Variants in CDR2L observed in about 807,000 individuals in gnomAD.
The protein encoded by CDR2L is cerebellar degeneration related protein 2 like.
A neutral mutation model predicts 36.1 loss-of-function variants in CDR2L; 19 were observed. The observed-to-expected ratio is 0.53, with a 90% CI of 0.37 to 0.77. CDR2L has a LOEUF of 0.77. Ranked by LOEUF, CDR2L falls within the 30% of genes least tolerant of loss-of-function variation. The pLI, the probability that CDR2L is intolerant of heterozygous loss-of-function variation, is 0.00. For missense variants in CDR2L, 575 were observed against 627.2 expected, an observed-to-expected ratio of 0.92 and a Z score of 0.89; for synonymous variants, 285 against 280.4, an observed-to-expected ratio of 1.02 and a Z score of -0.16.
At chr17:74,995,200 T>A (rs1299624698) in intron 1 of CDR2L, among the ~76,000 whole-genome samples, 1 of 151,500 alleles carries the variant, frequency 6.6e-6, no homozygotes, top group African/African-American at 2.4e-5. Context: ...CTGTGCCCAG[T>A]CTACACTTTC....
chr17:74,997,767 C>T (rs1015098824), intron 1 of CDR2L, among the ~76,000 whole-genome samples: 1 of 151,962 alleles, frequency 6.6e-6, no homozygotes, highest in African/African-American at 2.4e-5. Flanking sequence ...TGGCTTATGC[C>T]TGTAATCCCA....
chr17:75,003,786 G>C lies in CDR2L; in HGVS notation c.1110G>C (p.Leu370=). 3 of 1,526,744 alleles carry C rather than the reference G, an allele frequency of 2.0e-6. No individual in the cohort carries two copies. Among genetic ancestry groups the C allele is most frequent in the Non-Finnish European group, 2.6e-6 (3 of 1,135,064 alleles). 94.6% of individuals were successfully genotyped at this position (1,526,744 alleles called of 1,614,324 possible). A position where few individuals can be genotyped will look rare whatever the true frequency, so the allele number is the denominator to read the frequency against. The change falls in exon 5 of 5, where the codon CTG becomes CTC. Residue 370 remains leucine (L), a synonymous_variant. Coordinates refer to ENST00000337231, the MANE Select transcript of CDR2L (RefSeq NM_014603.3). ...YHALLEKYEE[L]LSKCRQHGAG... is the part of the protein sequence containing the mutation. Reference sequence around the variant, plus strand: ...CGCTGCTGGAGAAGTACGAGGAGCTGCTGAGCAAGTGCCGGCAGCACGGGG... The same window carrying C: ...CGCTGCTGGAGAAGTACGAGGAGCTCCTGAGCAAGTGCCGGCAGCACGGGG...
chr17:75,002,099 T>G lies in CDR2L; in HGVS notation c.377T>G (p.Val126Gly). 6.3e-7 allele frequency: 1 copy of G among 1,599,906 alleles called. No individual in the cohort carries two copies. Among genetic ancestry groups the G allele is most frequent in the Non-Finnish European group, 8.5e-7 (1 of 1,174,484 alleles). ...TETIERLQAQ[V>G]EELQAQVEQL... ...ACCATTGAGCGCCTCCAGGCTCAGG[T>G]GGAGGAGCTGCAGGCCCAGGTGGAG... is the stretch of plus-strand genomic sequence containing the variant. Residue 126 changes from valine to glycine, a missense_variant, in exon 4 of 5, where the codon GTG becomes GGG. By Grantham distance (109) the Val-to-Gly change is moderately radical (BLOSUM62 -3). Transcript: ENST00000337231. The surrounding 1 kb of genome is among the most constrained non-coding windows in gnomAD (Gnocchi z 4.1).
chr17:74,996,958 T>G lies in CDR2L; in HGVS notation c.80-2546T>G, dbSNP rs2039829757. ...ATCAAGAAGTTGGGCCAAGAAGTTC[T>G]GAATCATCTTCCAGTTTTAATATTC... is the stretch of plus-strand genomic sequence containing the variant. On this transcript the variant is annotated intron_variant, in intron 1 of 4. Transcript: ENST00000337231. Among the ~76,000 whole-genome samples, 4 of 152,312 alleles carry G rather than the reference T, an allele frequency of 2.6e-5. No homozygotes were observed. The South Asian group carries it at 8.3e-4, about 32-fold the overall frequency.
Position 75,005,084 on chromosome 17 carries a change from C to T in CDR2L, c.*1010C>T, listed in dbSNP as rs912004344. ...ACCAGCCGGTGGTCCCAATGTCCAC[C>T]CCTGCCTCCCCTTCACTGGGGACTG... On this transcript the variant is annotated 3_prime_UTR_variant, in exon 5 of 5. Coordinates refer to ENST00000337231, the MANE Select transcript of CDR2L (RefSeq NM_014603.3). The surrounding 1 kb of genome is among the most constrained non-coding windows in gnomAD (Gnocchi z 4.2). The T allele has an allele frequency of 1.3e-5, 2 of 152,678 alleles. No homozygotes were observed. The highest frequency in any genetic ancestry group is 4.8e-5 in the African/African-American group (2 of 41,398). 9.5% of individuals were successfully genotyped at this position (152,678 alleles called of 1,614,324 possible).
At chr17:74,995,210 CT>C (rs75415821) in intron 1 of CDR2L, among the ~76,000 whole-genome samples, 3,044 of 143,892 alleles carry the variant, frequency 0.021, 85 homozygotes, top group African/African-American at 0.066. Flanking sequence ...TCTACACTTT[CT>C]TTTTTTTTTT....
chr17:75,000,046 G>A (rs1408488490), intron 2 of CDR2L, among the ~76,000 whole-genome samples: 2 of 152,116 alleles, frequency 1.3e-5, no homozygotes, highest in East Asian at 1.9e-4. Flanking sequence ...TGTAATCCCA[G>A]CACTTTGGGA....
intron 1 of CDR2L, among the ~76,000 whole-genome samples, chr17:74,992,209 C>A (rs2039801310): frequency 6.6e-6 from 1 of 152,154 alleles, no homozygotes; most frequent in Admixed American, 6.5e-5. Context: ...TTCTAAGTTT[C>A]TTTTCAAAGA....
At chr17:74,991,207 A>G (rs1198797086) in intron 1 of CDR2L, among the ~76,000 whole-genome samples, 2 of 149,470 alleles carry the variant, frequency 1.3e-5, no homozygotes, top group Admixed American at 1.3e-4. Context: ...GTTCGAGACT[A>G]GCCTGACCAA....
rs137968303 is a variant in CDR2L, at chr17:74,995,201, C to G, written c.80-4303C>G. Among the ~76,000 whole-genome samples the G allele has an allele frequency of 5.4e-3, 818 of 151,424 alleles. 3 individuals are homozygous for G. The highest frequency in any genetic ancestry group is 0.017 in the Middle Eastern group (5 of 292). On this transcript the variant is annotated intron_variant, in intron 1 of 4. Transcript: ENST00000337231. ...ACAAGCATGAGCCACTGTGCCCAGT[C>G]TACACTTTCTTTTTTTTTTTTTTCT...
At chr17:74,990,852 A>G (rs1006087040) in intron 1 of CDR2L, among the ~76,000 whole-genome samples, 15 of 152,210 alleles carry the variant, frequency 9.9e-5, no homozygotes, top group African/African-American at 3.4e-4. Context: ...CCAACCCACA[A>G]ATTCTCTTCC....
Position 75,004,208 on chromosome 17 carries a change from C to G in CDR2L, c.*134C>G. 1.3e-6 allele frequency: 1 copy of G among 751,858 alleles called. No individual in the cohort carries two copies. Among genetic ancestry groups the G allele is most frequent in the East Asian group, 2.7e-5 (1 of 36,760 alleles). 46.6% of individuals were successfully genotyped at this position (751,858 alleles called of 1,614,324 possible). On this transcript the variant is annotated 3_prime_UTR_variant, in exon 5 of 5. Coordinates refer to ENST00000337231, the MANE Select transcript of CDR2L (RefSeq NM_014603.3). Reference sequence around the variant, plus strand: ...CACGCGGCCTCCTGATCCGGAAGCACGCAGCATGTTCCCTGCTGAGCGGAG... The same window carrying G: ...CACGCGGCCTCCTGATCCGGAAGCAGGCAGCATGTTCCCTGCTGAGCGGAG...
At chr17:74,990,529 C>T (rs1233635222) in intron 1 of CDR2L, among the ~76,000 whole-genome samples, 1 of 152,190 alleles carries the variant, frequency 6.6e-6, no homozygotes. Flanking sequence ...CAGCTGTAGG[C>T]CCAGCAACGG....
chr17:74,992,358 T>C (rs187267049), intron 1 of CDR2L, among the ~76,000 whole-genome samples: 84 of 141,510 alleles, frequency 5.9e-4, no homozygotes, highest in Middle Eastern at 3.6e-3. Flanking sequence ...CTTAATGTTG[T>C]TTTTTTTTTT....
rs2039871995 is a variant in CDR2L at position 75,002,256 on chromosome 17, T to C, written c.506+28T>C. 1 of 1,586,362 alleles carries C rather than the reference T, an allele frequency of 6.3e-7. No individual in the cohort carries two copies. Among genetic ancestry groups the C allele is most frequent in the Non-Finnish European group, 8.6e-7 (1 of 1,167,190 alleles). On this transcript the variant is annotated intron_variant, in intron 4 of 4. Coordinates refer to ENST00000337231, the MANE Select transcript of CDR2L (RefSeq NM_014603.3). The surrounding 1 kb of genome is among the most constrained non-coding windows in gnomAD (Gnocchi z 4.1). ...AGGTGAGAGCACTGCTTGGTGTCTCTGGGATTGCCAGCCATGGGAGGAAGG... is the reference window on the plus strand; with the variant it reads ...AGGTGAGAGCACTGCTTGGTGTCTCCGGGATTGCCAGCCATGGGAGGAAGG...
chr17:75,003,215 C>T lies in CDR2L; in HGVS notation c.539C>T (p.Ser180Phe), dbSNP rs868156671. ...CKDAFRLHSS[S>F]LELGPRPLEQ... is the part of the protein sequence containing the mutation. Reference sequence around the variant, plus strand: ...GATGCTTTCCGCCTACACAGTTCCTCCCTGGAGCTGGGCCCGCGGCCCCTG... The same window carrying T: ...GATGCTTTCCGCCTACACAGTTCCTTCCTGGAGCTGGGCCCGCGGCCCCTG... The change falls in exon 5 of 5, where the codon TCC becomes TTC. Residue 180 changes from serine to phenylalanine, a missense_variant. Transcript: ENST00000337231. The T allele has an allele frequency of 1.9e-6, 3 of 1,566,696 alleles. No individual in the cohort carries two copies. Among genetic ancestry groups the T allele is most frequent in the African/African-American group, 2.7e-5 (2 of 73,632 alleles).
intron 1 of CDR2L, among the ~76,000 whole-genome samples, chr17:74,997,060 C>CTTTTTTTTTTTTTTTT (rs1567974277): frequency 9.7e-5 from 1 of 10,350 alleles, no homozygotes; most frequent in African/African-American, 1.3e-4. Context: ...TTCTTTCTTT[C>CTTTTTTTTTTTTTTTT]TTTCTTTCTT....
intron 1 of CDR2L, among the ~76,000 whole-genome samples, chr17:74,998,113 TG>T (rs980437954): frequency 6.6e-6 from 1 of 151,778 alleles, no homozygotes; most frequent in African/African-American, 2.4e-5. Context: ...CTCAGCTACC[TG>T]GGAGGCTGAG....
At chr17:74,990,788 C>T (rs990268221) in intron 1 of CDR2L, among the ~76,000 whole-genome samples, 1 of 152,198 alleles carries the variant, frequency 6.6e-6, no homozygotes, top group African/African-American at 2.4e-5. Context: ...GATGGTGGGA[C>T]GGAGCACGGG....
Sources: gnomAD v4.1 joint callset for allele counts (sites outside exome capture counted in the v4.1 genomes callset) on GRCh38, gnomAD v4.1.1 for gene constraint, Gnocchi (gnomAD v3.1) non-coding constraint, MANE v1.5 for transcripts, NCBI Gene and HGNC (gene_info 2026-07-23, HGNC 2026-07-21) for gene names.